Variants in GMCL1 observed in about 807,000 individuals in gnomAD.
GMCL1 encodes germ cell-less protein-like 1.
Under a neutral mutation model 75.5 loss-of-function variants are expected in GMCL1, and 54 were observed. The ratio of observed to expected loss-of-function variants is 0.71; its 90% confidence interval spans 0.57 to 0.90. The LOEUF is 0.90. GMCL1 is among the 40% of genes least tolerant of loss of function. The pLI, the probability that GMCL1 is intolerant of heterozygous loss-of-function variation, is 0.00. For missense variants in GMCL1, 537 were observed against 622.7 expected (o/e 0.86, Z 1.47); for synonymous variants, 210 against 209.6 (o/e 1.00, Z -0.02).
In GMCL1 at chr2:69,878,914, A is replaced by C. The variant is rs373227604; in HGVS notation, c.1458A>C (p.Gln486His). The C allele has an allele frequency of 3.1e-6, 5 of 1,602,308 alleles. No homozygotes were observed. In the African/African-American group the frequency reaches 6.7e-5, roughly 21 times the overall value. ...QILTLEKDQE[Q>H]VVMNLDSRLL... Reference sequence around the variant, plus strand: ...TCTACAAATCTGTCTTATAGGAACAAGTGGTGATGAACTTGGACAGCAGGC... The same window carrying C: ...TCTACAAATCTGTCTTATAGGAACACGTGGTGATGAACTTGGACAGCAGGC... The change falls in exon 14 of 14, where the codon CAA (glutamine) becomes CAC (histidine). Residue 486 changes from glutamine (Q) to histidine (H), a missense_variant. Coordinates refer to ENST00000282570, the MANE Select transcript of GMCL1 (RefSeq NM_178439.5).
At position 69,830,066 on chromosome 2, in the gene GMCL1, C is replaced by A; in HGVS notation, c.174C>A (p.Ser58=). 6.4e-7 allele frequency: 1 copy of A among 1,572,044 alleles called. No individual in the cohort carries two copies. The highest frequency in any genetic ancestry group is 8.6e-7 in the Non-Finnish European group (1 of 1,158,060). Residue 58 remains serine (S), a synonymous_variant, in exon 1 of 14, where the codon TCC becomes TCA. Coordinates refer to ENST00000282570, the MANE Select transcript of GMCL1 (RefSeq NM_178439.5). ...GSHKRKRSSG[S]FCYCHPDSET... ...ACAAGCGCAAGCGGAGCAGCGGGTCCTTCTGCTACTGTCACCCTGACTCGG... is the reference window on the plus strand; with the variant it reads ...ACAAGCGCAAGCGGAGCAGCGGGTCATTCTGCTACTGTCACCCTGACTCGG...
At chr2:69,840,371 C>T (rs1373988072) in intron 3 of GMCL1, among the ~76,000 whole-genome samples, 2 of 151,610 alleles carry the variant, frequency 1.3e-5, no homozygotes, top group African/African-American at 4.9e-5. Flanking sequence ...GATCGCGCCA[C>T]TGCACTCCAG....
chr2:69,867,441 A>C (rs1675852824), intron 11 of GMCL1, among the ~76,000 whole-genome samples: 1 of 152,150 alleles, frequency 6.6e-6, no homozygotes, highest in Admixed American at 6.5e-5. Flanking sequence ...TCCCGTTTTC[A>C]GACCCCACCT....
chr2:69,838,919 A>G (rs1219707645), intron 2 of GMCL1, among the ~76,000 whole-genome samples: 1 of 152,212 alleles, frequency 6.6e-6, no homozygotes, highest in African/African-American at 2.4e-5. Context: ...TTTTAAATAA[A>G]TTAGTTAATA....
chr2:69,854,681 G>A lies in GMCL1; in HGVS notation c.935-142G>A, dbSNP rs1481873406. 9.4e-6 allele frequency: 6 copies of A among 640,214 alleles called. No individual in the cohort carries two copies. The African/African-American group carries it at 9.4e-5, about 10-fold the overall frequency. 39.7% of individuals were successfully genotyped at this position (640,214 alleles called of 1,614,324 possible). On this transcript the variant is annotated intron_variant, in intron 8 of 13. Coordinates refer to ENST00000282570, the MANE Select transcript of GMCL1 (RefSeq NM_178439.5). ...TTATGTTCTTATCTGTAAACCTAAG[G>A]TTTATAAAATTCTTGAGAACTTTAA... is the stretch of plus-strand genomic sequence containing the variant.
chr2:69,833,479 G>C (rs182507117), intron 1 of GMCL1, among the ~76,000 whole-genome samples: 8 of 152,314 alleles, frequency 5.3e-5, no homozygotes, highest in African/African-American at 1.9e-4. Flanking sequence ...AGCCAGGCTT[G>C]GTGGTGCACG....
At chr2:69,853,864 G>A (rs536609269) in intron 8 of GMCL1, among the ~76,000 whole-genome samples, 47 of 152,098 alleles carry the variant, frequency 3.1e-4, no homozygotes, top group African/African-American at 8.9e-4. Context: ...GTGCAGTGGC[G>A]CAATCTCAGC....
intron 9 of GMCL1, among the ~76,000 whole-genome samples, chr2:69,860,806 T>C (rs1364167304): frequency 6.6e-6 from 1 of 152,216 alleles, no homozygotes; most frequent in Non-Finnish European, 1.5e-5. Context: ...TTGTAAAATA[T>C]AAGCTACCTA....
intron 4 of GMCL1, 73 bp downstream of exon 4, chr2:69,841,112 AAAAT>A: frequency 1.1e-6 from 1 of 951,586 alleles, no homozygotes; most frequent in Non-Finnish European, 1.6e-6. Context: ...TCCAAAAACA[AAAAT>A]AAAGCTTAGC....
At chr2:69,837,900 A>T (rs1674865756) in intron 2 of GMCL1, among the ~76,000 whole-genome samples, 1 of 152,214 alleles carries the variant, frequency 6.6e-6, no homozygotes, top group African/African-American at 2.4e-5. Flanking sequence ...CGTATTTGTC[A>T]TTACTTCATA....
At chr2:69,841,096 G>T in intron 4 of GMCL1, 57 bp downstream of exon 4, 1 of 1,241,740 alleles carries the variant, frequency 8.1e-7, no homozygotes, top group Non-Finnish European at 1.2e-6. Flanking sequence ...GTCTCAAAGT[G>T]TGTACTCCAA....
At chr2:69,855,062 C>A in intron 9 of GMCL1, 102 bp downstream of exon 9, 1 of 948,554 alleles carries the variant, frequency 1.1e-6, no homozygotes. Context: ...TATTATTAAT[C>A]CCAAAAAGGT....
intron 1 of GMCL1, among the ~76,000 whole-genome samples, chr2:69,835,556 T>C (rs1020528451): frequency 6.6e-6 from 1 of 152,074 alleles, no homozygotes; most frequent in Non-Finnish European, 1.5e-5. Flanking sequence ...CTATTTCCAA[T>C]GTACCTCTTC....
chr2:69,859,094 C>G (rs1360066372), intron 9 of GMCL1, among the ~76,000 whole-genome samples: 1 of 149,566 alleles, frequency 6.7e-6, no homozygotes, highest in African/African-American at 2.5e-5. Context: ...TGCTGTGAAC[C>G]CAGATCGCGC....
At chr2:69,849,279 C>T (rs553204823) in intron 7 of GMCL1, among the ~76,000 whole-genome samples, 13 of 152,228 alleles carry the variant, frequency 8.5e-5, no homozygotes, top group Non-Finnish European at 1.8e-4. Context: ...AAAAGGTTCT[C>T]TCACCTCAGC....
At chr2:69,853,230 A>G (rs1351914843) in intron 8 of GMCL1, among the ~76,000 whole-genome samples, 1 of 152,212 alleles carries the variant, frequency 6.6e-6, no homozygotes, top group Non-Finnish European at 1.5e-5. Context: ...ATTTAATTCA[A>G]CATATGAACT....
intron 1 of GMCL1, among the ~76,000 whole-genome samples, chr2:69,833,716 C>G (rs946798372): frequency 1.3e-4 from 20 of 152,314 alleles, no homozygotes; most frequent in African/African-American, 4.8e-4. Context: ...GGTGTGCTCT[C>G]CCACATCAAC....
chr2:69,844,166 AC>A lies in GMCL1; in HGVS notation c.730del (p.Gln244ArgfsTer11). On this transcript the variant is annotated frameshift_variant, in exon 6 of 14. Transcript: ENST00000282570. LOFTEE classifies it high-confidence loss of function. ...LEWLLNNLMT[H>X]QNVELFKELS... Reference sequence around the variant, plus strand: ...TGGCTTCTAAACAATTTGATGACTCACCAGAATGTTGAACTTTTTAAAGAAC... The same window carrying A: ...TGGCTTCTAAACAATTTGATGACTCACAGAATGTTGAACTTTTTAAAGAAC... 1 of 1,575,800 alleles carries A rather than the reference AC, an allele frequency of 6.3e-7. No homozygotes were observed.
chr2:69,841,752 C>T (rs948647253), intron 4 of GMCL1, among the ~76,000 whole-genome samples: 4 of 152,064 alleles, frequency 2.6e-5, no homozygotes, highest in Non-Finnish European at 5.9e-5. Flanking sequence ...GTGTCACATA[C>T]GAAAGTTACA....
Sources: gnomAD v4.1 joint callset for allele counts (sites outside exome capture counted in the v4.1 genomes callset) on GRCh38, gnomAD v4.1.1 for gene constraint, MANE v1.5 for transcripts, NCBI Gene and HGNC (gene_info 2026-07-23, HGNC 2026-07-21) for gene names.